NAALADL2: variants seen among roughly 807,000 people sequenced by gnomAD.
NAALADL2 encodes N-acetylated alpha-linked acidic dipeptidase like 2, also known as inactive N-acetylated-alpha-linked acidic dipeptidase-like protein 2.
Under a neutral mutation model 87.2 loss-of-function variants are expected in NAALADL2, and 76 were observed. The ratio of observed to expected loss-of-function variants is 0.87; its 90% CI spans 0.72 to 1.05. NAALADL2 has a LOEUF of 1.05. Among genes scored for constraint, NAALADL2 ranks in the 50% least tolerant of loss-of-function variants. The pLI is 0.00. For synonymous variants in NAALADL2, 354 were observed against 331.0 expected (o/e 1.07, Z -0.75); for missense variants, 1,089 against 945.8 (o/e 1.15, Z -1.99).
chr3:174,934,800 A>G (rs1374091279), intron 1 of NAALADL2, among the ~76,000 whole-genome samples: 3 of 152,180 alleles, frequency 2.0e-5, no homozygotes, highest in Admixed American at 6.5e-5. Flanking sequence ...AAAGACAACT[A>G]AAAAGTAATA....
At chr3:175,037,588 G>C (rs577093120) in intron 1 of NAALADL2, among the ~76,000 whole-genome samples, 2 of 152,274 alleles carry the variant, frequency 1.3e-5, no homozygotes, top group Admixed American at 1.3e-4. Context: ...CCATGGCAGA[G>C]TGATTTCCCT....
intron 1 of NAALADL2, among the ~76,000 whole-genome samples, chr3:174,971,666 T>TGC (rs72117737): frequency 3.5e-4 from 1 of 2,894 alleles, no homozygotes; most frequent in African/African-American, 7.9e-4. Context: ...TATGCTAGAC[T>TGC]GTGTGTGTGT....
chr3:175,714,871 A>C (rs1011927256), intron 11 of NAALADL2, among the ~76,000 whole-genome samples: 1 of 152,170 alleles, frequency 6.6e-6, no homozygotes, highest in East Asian at 1.9e-4. Context: ...CACCTTATAC[A>C]GAAATTAACT....
chr3:174,700,521 G>A (rs903074867), intron 2 of NAALADL2, among the ~76,000 whole-genome samples: 3 of 151,952 alleles, frequency 2.0e-5, no homozygotes, highest in Admixed American at 6.6e-5. Context: ...TAGCAACCAG[G>A]CTTGCTTACC....
chr3:174,651,064 G>C (rs1724306548), intron 2 of NAALADL2, among the ~76,000 whole-genome samples: 1 of 151,882 alleles, frequency 6.6e-6, no homozygotes, highest in Non-Finnish European at 1.5e-5. Context: ...CCTCATGTAA[G>C]TTCTGCTAAT....
intron 11 of NAALADL2, among the ~76,000 whole-genome samples, chr3:175,711,543 C>A (rs911920028): frequency 4.6e-5 from 7 of 151,924 alleles, no homozygotes; most frequent in African/African-American, 1.7e-4. Flanking sequence ...ACCATCTGAG[C>A]CAGTCAAGCT....
intron 2 of NAALADL2, among the ~76,000 whole-genome samples, chr3:175,170,920 AT>A (rs1475382800): frequency 6.6e-6 from 1 of 151,948 alleles, no homozygotes; most frequent in African/African-American, 2.4e-5. Context: ...AAAAGGAAAT[AT>A]ACTAAAATGC....
chr3:175,106,939 A>T (rs190385203), intron 2 of NAALADL2, among the ~76,000 whole-genome samples: 7 of 152,138 alleles, frequency 4.6e-5, no homozygotes, highest in Admixed American at 3.9e-4. Context: ...TAAATATTGT[A>T]GTCACTTAAA....
intron 1 of NAALADL2, among the ~76,000 whole-genome samples, chr3:174,467,448 C>T (rs140244393): frequency 3.5e-3 from 534 of 151,860 alleles, no homozygotes; most frequent in Non-Finnish European, 5.0e-3. Context: ...CAAAAATTAG[C>T]CGGGTGTGGT....
intron 9 of NAALADL2, among the ~76,000 whole-genome samples, chr3:175,524,998 G>A (rs1278806369): frequency 1.3e-5 from 2 of 151,956 alleles, no homozygotes; most frequent in African/African-American, 4.8e-5. Context: ...GATCAAATTG[G>A]GCAGATGCTG....
At chr3:175,628,059 G>T (rs1417054697) in intron 11 of NAALADL2, among the ~76,000 whole-genome samples, 1 of 151,664 alleles carries the variant, frequency 6.6e-6, no homozygotes, top group Non-Finnish European at 1.5e-5. Context: ...TTAACATACA[G>T]ATGTCCCCCA....
At position 175,576,055 on chromosome 3, in the gene NAALADL2, C is replaced by A; in HGVS notation, c.1668C>A (p.Asn556Lys). The A allele has an allele frequency of 6.2e-7, 1 of 1,608,508 alleles. No individual in the cohort carries two copies. The highest frequency in any genetic ancestry group is 8.5e-7 in the Non-Finnish European group (1 of 1,178,082). The change falls in exon 10 of 14, where the codon AAC becomes AAA. Residue 556 changes from asparagine to lysine, a missense_variant. Transcript: ENST00000454872. ...QQLVVEKNNF[N>K]CTRRAQCPET... is the part of the protein sequence containing the mutation. ...ATGTTTTTCAGAAAAATAATTTCAA[C>A]TGTACCAGAAGAGCCCAGTGCCCAG...
intron 2 of NAALADL2, among the ~76,000 whole-genome samples, chr3:174,711,045 TAA>T (rs1007456460): frequency 3.9e-5 from 6 of 152,318 alleles, no homozygotes; most frequent in Admixed American, 2.6e-4. Flanking sequence ...GTGCAATTTA[TAA>T]GAGTTCTGGC....
chr3:175,356,437 T>C (rs1007499018), intron 5 of NAALADL2, among the ~76,000 whole-genome samples: 4 of 151,558 alleles, frequency 2.6e-5, no homozygotes, highest in Admixed American at 1.3e-4. Context: ...TTAGCTAGCA[T>C]GGTGATGCCT....
At chr3:174,605,640 C>A (rs1375824197) in intron 2 of NAALADL2, among the ~76,000 whole-genome samples, 2 of 152,246 alleles carry the variant, frequency 1.3e-5, no homozygotes, top group East Asian at 1.9e-4. Flanking sequence ...CCCAGGCTTG[C>A]TTAGGTAAAC....
chr3:175,447,143 T>C, intron 5 of NAALADL2, 86 bp from the exon 6 acceptor site: 1 of 811,142 alleles, frequency 1.2e-6, no homozygotes, highest in Non-Finnish European at 1.9e-6. Flanking sequence ...CAGTCATAAT[T>C]TAAATACTTA....
At chr3:174,481,457 T>C (rs185214052) in intron 1 of NAALADL2, among the ~76,000 whole-genome samples, 1 of 151,930 alleles carries the variant, frequency 6.6e-6, no homozygotes, top group Admixed American at 6.6e-5. Flanking sequence ...ACATAAGAAA[T>C]GCTAGATAGC....
chr3:175,400,164 G>GA (rs566528778), intron 5 of NAALADL2, among the ~76,000 whole-genome samples: 24 of 151,840 alleles, frequency 1.6e-4, no homozygotes, highest in Admixed American at 1.1e-3. Context: ...TCAGAAAAGA[G>GA]AAAAAAAATC....
intron 12 of NAALADL2, among the ~76,000 whole-genome samples, chr3:175,742,591 G>T (rs1460589778): frequency 6.6e-6 from 1 of 151,990 alleles, no homozygotes; most frequent in African/African-American, 2.4e-5. Flanking sequence ...TAGAGACGGG[G>T]TTTCACCGTG....
Sources: allele counts gnomAD v4.1 joint callset (sites outside exome capture counted in the v4.1 genomes callset), GRCh38; gene constraint gnomAD v4.1.1; transcripts MANE v1.5; gene names NCBI Gene and HGNC (gene_info 2026-07-23, HGNC 2026-07-21).